RIT2: variants seen among roughly 807,000 people sequenced by gnomAD.
The protein encoded by RIT2 is GTP-binding protein Rit2.
RIT2 carries 24 observed loss-of-function variants against 23.7 expected under a neutral mutation model. The ratio of observed to expected loss-of-function variants is 1.01; its 90% CI spans 0.73 to 1.43. The LOEUF (loss-of-function observed/expected upper bound fraction) is 1.43, where lower values mean the gene tolerates loss of function less well. Ranked by LOEUF, RIT2 falls within the 40% of genes most tolerant of loss-of-function variation. RIT2 has a pLI of 0.00. For synonymous variants in RIT2, 107 were observed against 91.1 expected, an observed-to-expected ratio of 1.17 and a Z score of -0.99; for missense variants, 236 against 266.9, an observed-to-expected ratio of 0.88 and a Z score of 0.81.
intron 4 of RIT2, among the ~76,000 whole-genome samples, chr18:42,780,047 GTTTTTTTTTTTTTT>G (rs71175923): frequency 1.7e-5 from 1 of 59,568 alleles, no homozygotes; most frequent in Non-Finnish European, 3.1e-5. Flanking sequence ...CAATTTAGAG[GTTTTTTTTTTTTTT>G]TTTTTTTTTT....
At chr18:43,106,749 A>G (rs754605988) in intron 1 of RIT2, among the ~76,000 whole-genome samples, 4 of 152,140 alleles carry the variant, frequency 2.6e-5, no homozygotes, top group Non-Finnish European at 5.9e-5. Context: ...GACCAGAACT[A>G]TCAATACTCT....
intron 2 of RIT2, among the ~76,000 whole-genome samples, chr18:43,031,411 G>T (rs1385780917): frequency 6.6e-6 from 1 of 151,722 alleles, no homozygotes; most frequent in African/African-American, 2.4e-5. Context: ...GAAAGCAAGA[G>T]ATTCCATTCT....
chr18:42,752,300 C>G (rs949482113), intron 4 of RIT2, among the ~76,000 whole-genome samples: 1 of 152,044 alleles, frequency 6.6e-6, no homozygotes, highest in Non-Finnish European at 1.5e-5. Context: ...CATAAGATAT[C>G]TTGTCTATCT....
chr18:42,857,302 C>T (rs1025109727), intron 4 of RIT2, among the ~76,000 whole-genome samples: 1 of 152,130 alleles, frequency 6.6e-6, no homozygotes, highest in Non-Finnish European at 1.5e-5. Flanking sequence ...CTCTAAGATC[C>T]CACTTCAAAT....
intron 2 of RIT2, among the ~76,000 whole-genome samples, chr18:43,024,355 T>G (rs562462323): frequency 6.6e-5 from 10 of 152,056 alleles, no homozygotes; most frequent in Non-Finnish European, 1.5e-4. Flanking sequence ...GATTGTCATA[T>G]GCAGAATAAT....
intron 1 of RIT2, among the ~76,000 whole-genome samples, chr18:43,061,710 A>G (rs1178425678): frequency 2.0e-5 from 3 of 152,080 alleles, no homozygotes; most frequent in Non-Finnish European, 4.4e-5. Context: ...TTCTAAGCTC[A>G]TAAAAACCCC....
intron 4 of RIT2, among the ~76,000 whole-genome samples, chr18:42,827,224 T>C (rs1470673646): frequency 1.3e-5 from 2 of 152,160 alleles, no homozygotes; most frequent in African/African-American, 4.8e-5. Flanking sequence ...TTAGAGGAGG[T>C]ATCAGAAATT....
At chr18:42,816,675 C>A (rs977786162) in intron 4 of RIT2, among the ~76,000 whole-genome samples, 7 of 152,124 alleles carry the variant, frequency 4.6e-5, no homozygotes, top group Admixed American at 3.3e-4. Context: ...AGGCAAGGCC[C>A]TATGACTACT....
At chr18:42,899,131 C>A (rs1411334999) in intron 4 of RIT2, among the ~76,000 whole-genome samples, 1 of 151,736 alleles carries the variant, frequency 6.6e-6, no homozygotes, top group Non-Finnish European at 1.5e-5. Flanking sequence ...ATTGGTTATT[C>A]TTTTTAAAAG....
At chr18:42,803,037 G>A (rs1416520129) in intron 4 of RIT2, among the ~76,000 whole-genome samples, 1 of 152,052 alleles carries the variant, frequency 6.6e-6, no homozygotes, top group Non-Finnish European at 1.5e-5. Flanking sequence ...TTCCACTTCT[G>A]TAAGTTGGAG....
chr18:42,826,758 T>A (rs1036958300), intron 4 of RIT2, among the ~76,000 whole-genome samples: 2 of 152,038 alleles, frequency 1.3e-5, no homozygotes, highest in Non-Finnish European at 2.9e-5. Flanking sequence ...ATTAGGTGAG[T>A]TCAGCAAATG....
At chr18:42,782,685 T>G (rs1490665369) in intron 4 of RIT2, among the ~76,000 whole-genome samples, 1 of 152,096 alleles carries the variant, frequency 6.6e-6, no homozygotes, top group South Asian at 2.1e-4. Context: ...TCAGTGTTCA[T>G]AAGGAGAATC....
chr18:42,846,301 G>T (rs1906907164), intron 4 of RIT2, among the ~76,000 whole-genome samples: 1 of 151,164 alleles, frequency 6.6e-6, no homozygotes, highest in Non-Finnish European at 1.5e-5. Context: ...ATACATAAAA[G>T]CCACATACAA....
At chr18:42,895,013 T>C (rs1403174558) in intron 4 of RIT2, among the ~76,000 whole-genome samples, 1 of 152,172 alleles carries the variant, frequency 6.6e-6, no homozygotes, top group East Asian at 1.9e-4. Context: ...GCCTCAAGTA[T>C]CAGTAGAGGG....
chr18:42,870,060 A>G (rs1907582595), intron 4 of RIT2, among the ~76,000 whole-genome samples: 1 of 152,154 alleles, frequency 6.6e-6, no homozygotes, highest in African/African-American at 2.4e-5. Context: ...CACATGGCAA[A>G]CACACACTAA....
intron 3 of RIT2, among the ~76,000 whole-genome samples, chr18:42,970,178 AT>A (rs112156996): frequency 1.3e-5 from 2 of 150,508 alleles, no homozygotes; most frequent in African/African-American, 2.4e-5. Flanking sequence ...GTAATGAGTA[AT>A]TTTTTTTTTC....
intron 2 of RIT2, among the ~76,000 whole-genome samples, chr18:43,020,287 C>A (rs1216663036): frequency 6.6e-6 from 1 of 152,040 alleles, no homozygotes; most frequent in Non-Finnish European, 1.5e-5. Flanking sequence ...GAGTTCAAGA[C>A]CAGCCTGACC....
At chr18:43,079,320 G>A (rs1913100276) in intron 1 of RIT2, among the ~76,000 whole-genome samples, 1 of 151,880 alleles carries the variant, frequency 6.6e-6, no homozygotes, top group African/African-American at 2.4e-5. Flanking sequence ...TAATAAGACT[G>A]GAAATAAAAC....
At chr18:42,966,411 T>G (rs140708710) in intron 3 of RIT2, among the ~76,000 whole-genome samples, 1 of 152,338 alleles carries the variant, frequency 6.6e-6, no homozygotes, top group East Asian at 1.9e-4. Flanking sequence ...AGTCATTTTA[T>G]GTAGTACTCT....
Sources: allele counts gnomAD v4.1 joint callset (sites outside exome capture counted in the v4.1 genomes callset), GRCh38; gene constraint gnomAD v4.1.1; transcripts MANE v1.5; gene names NCBI Gene and HGNC (gene_info 2026-07-23, HGNC 2026-07-21).